Variants in PRKAG2 observed in about 807,000 individuals in gnomAD.
The protein encoded by PRKAG2 is 5'-AMP-activated protein kinase subunit gamma-2.
Under a neutral mutation model 69.6 loss-of-function variants are expected in PRKAG2, and 26 were observed. That is an observed-to-expected ratio of 0.37 (90% confidence interval 0.27 to 0.52). The LOEUF (loss-of-function observed/expected upper bound fraction) is 0.52, where lower values mean the gene tolerates loss of function less well. Among genes scored for constraint, PRKAG2 ranks in the 20% least tolerant of loss-of-function variants. The probability of loss-of-function intolerance (pLI) is 0.90; values close to 1 mark genes in which losing one functional copy is unlikely to be tolerated. For missense variants in PRKAG2, 557 were observed against 740.0 expected, an observed-to-expected ratio of 0.75 and a Z score of 2.87; for synonymous variants, 293 against 285.0, an observed-to-expected ratio of 1.03 and a Z score of -0.28.
In PRKAG2 at chr7:151,774,371, T is replaced by G. The variant is rs1019006142; in HGVS notation, c.466+6781A>C. Among the ~76,000 whole-genome samples, 5 of 152,316 alleles carry G rather than the reference T, an allele frequency of 3.3e-5. No homozygotes were observed. In the South Asian group the frequency reaches 1.0e-3, roughly 32 times the overall value. On this transcript the variant is annotated intron_variant, in intron 3 of 15. Coordinates refer to ENST00000287878, the MANE Select transcript of PRKAG2 (RefSeq NM_016203.4). ...AGATCAGCTGTGGAATCCAGAACCATGGTCCCCATCTGTGTTCCCCCTCCT... is the reference window on the plus strand; with the variant it reads ...AGATCAGCTGTGGAATCCAGAACCAGGGTCCCCATCTGTGTTCCCCCTCCT...
chr7:151,651,829 C>T (rs1356999134), intron 4 of PRKAG2, among the ~76,000 whole-genome samples: 2 of 151,982 alleles, frequency 1.3e-5, no homozygotes, highest in Non-Finnish European at 2.9e-5. Context: ...ACTGCATGAG[C>T]TCACTTGTAG....
intron 6 of PRKAG2, among the ~76,000 whole-genome samples, chr7:151,591,304 T>A (rs6949110): frequency 6.6e-6 from 1 of 152,056 alleles, no homozygotes; most frequent in African/African-American, 2.4e-5. Context: ...GTCTCAAGGC[T>A]GCGGCACCCC....
intron 4 of PRKAG2, among the ~76,000 whole-genome samples, chr7:151,640,907 C>T (rs1300644407): frequency 1.3e-5 from 2 of 152,188 alleles, no homozygotes; most frequent in Non-Finnish European, 2.9e-5. Context: ...ATTGTTCATT[C>T]AGACATCCAT....
chr7:151,634,944 T>TTGG (rs200233748), intron 4 of PRKAG2, among the ~76,000 whole-genome samples: 203 of 122,320 alleles, frequency 1.7e-3, no homozygotes, highest in African/African-American at 5.9e-3. Flanking sequence ...CCACTGTTTT[T>TTGG]TTTTTTTTTT....
At chr7:151,832,497 G>C (rs992975691) in intron 1 of PRKAG2, among the ~76,000 whole-genome samples, 18 of 152,142 alleles carry the variant, frequency 1.2e-4, no homozygotes, top group Admixed American at 1.2e-3. Context: ...ACGAGAAAGG[G>C]AGGAGGGTCA....
chr7:151,857,609 G>A (rs575824481), intron 1 of PRKAG2, among the ~76,000 whole-genome samples: 1 of 152,138 alleles, frequency 6.6e-6, no homozygotes, highest in East Asian at 1.9e-4. Context: ...CCCTGCCAAC[G>A]GCCTCTGCTG....
chr7:151,805,598 A>C (rs967124081), intron 1 of PRKAG2, among the ~76,000 whole-genome samples: 2 of 152,220 alleles, frequency 1.3e-5, no homozygotes, highest in Admixed American at 1.3e-4. Flanking sequence ...GGGAGTTCCT[A>C]CTGGAAAATG....
At chr7:151,696,494 G>A (rs1836695965) in intron 3 of PRKAG2, among the ~76,000 whole-genome samples, 1 of 152,212 alleles carries the variant, frequency 6.6e-6, no homozygotes, top group Admixed American at 6.5e-5. Flanking sequence ...GCAGGCCCAG[G>A]CCTGCCGGCG....
At chr7:151,581,564 C>G (rs112475917) in intron 6 of PRKAG2, among the ~76,000 whole-genome samples, 8 of 151,542 alleles carry the variant, frequency 5.3e-5, no homozygotes, top group Non-Finnish European at 1.0e-4. Context: ...ACACAAAAAT[C>G]TCTGGTCAAA....
chr7:151,797,003 AGCCCTCCGTGGGCACTACC>A (rs2077576058), intron 1 of PRKAG2, among the ~76,000 whole-genome samples: 2 of 152,068 alleles, frequency 1.3e-5, no homozygotes, highest in Non-Finnish European at 2.9e-5. Context: ...ACCAGCATAG[AGCCCTCCGTGGGCACTACC>A]GACTCAAGGG....
At chr7:151,847,349 CA>C (rs201075398) in intron 1 of PRKAG2, among the ~76,000 whole-genome samples, 1,739 of 152,288 alleles carry the variant, frequency 0.011, 23 homozygotes, top group African/African-American at 0.039. Context: ...GCTGGGGCGA[CA>C]GGAGCCTACT....
At chr7:151,570,548 G>A (rs1256972579) in intron 9 of PRKAG2, among the ~76,000 whole-genome samples, 1 of 152,082 alleles carries the variant, frequency 6.6e-6, no homozygotes, top group African/African-American at 2.4e-5. Context: ...AATGCTACCA[G>A]GTTCACCTTA....
At chr7:151,790,956 G>A (rs1256794253) in intron 1 of PRKAG2, among the ~76,000 whole-genome samples, 4 of 152,220 alleles carry the variant, frequency 2.6e-5, no homozygotes, top group Non-Finnish European at 5.9e-5. Flanking sequence ...GACCCCAGGC[G>A]GCTGCCCGGA....
intron 3 of PRKAG2, among the ~76,000 whole-genome samples, chr7:151,704,108 A>G (rs890466650): frequency 2.6e-5 from 4 of 152,152 alleles, no homozygotes; most frequent in Non-Finnish European, 5.9e-5. Flanking sequence ...TTTATGGGGT[A>G]CCTGAGCTGT....
At chr7:151,698,972 G>C (rs1323590563) in intron 3 of PRKAG2, among the ~76,000 whole-genome samples, 1 of 152,168 alleles carries the variant, frequency 6.6e-6, no homozygotes, top group Non-Finnish European at 1.5e-5. Flanking sequence ...CTGCAAGAAG[G>C]TCCTGAAATC....
At chr7:151,631,682 T>C (rs1554507298) in intron 5 of PRKAG2, 1 of 457,994 alleles carries the variant, frequency 2.2e-6, no homozygotes, top group Admixed American at 2.3e-5. Context: ...AGTCTATGAT[T>C]AAAGGGTCTG....
At chr7:151,669,755 T>C (rs2466996) in intron 4 of PRKAG2, among the ~76,000 whole-genome samples, 90,299 of 150,862 alleles carry the variant, frequency 0.6, 27,607 homozygotes, top group Admixed American at 0.66. Flanking sequence ...CACACCTGCA[T>C]GCACACACAC....
At chr7:151,767,234 C>T (rs1451216871) in intron 3 of PRKAG2, among the ~76,000 whole-genome samples, 5 of 152,194 alleles carry the variant, frequency 3.3e-5, no homozygotes, top group Admixed American at 1.3e-4. Flanking sequence ...CAGAAGGAGC[C>T]GGCCCTGCCC....
intron 15 of PRKAG2, chr7:151,558,368 T>C (rs1804230460): frequency 1.0e-6 from 1 of 985,342 alleles, no homozygotes; most frequent in Admixed American, 6.1e-5. Flanking sequence ...TCCCGGGCAC[T>C]GCGCCTCATT....
Sources: gnomAD v4.1 joint callset for allele counts (sites outside exome capture counted in the v4.1 genomes callset) on GRCh38, gnomAD v4.1.1 for gene constraint, MANE v1.5 for transcripts, NCBI Gene and HGNC (gene_info 2026-07-23, HGNC 2026-07-21) for gene names.